The following TMEM268 variants were observed in gnomAD, a reference collection of about 807,000 sequenced individuals.
TMEM268 encodes the protein transmembrane protein C9orf91.
TMEM268 carries 24 observed loss-of-function variants against 39.1 expected under a neutral mutation model. That is an observed-to-expected ratio of 0.61 (90% CI 0.44 to 0.86). TMEM268 has a LOEUF of 0.86. TMEM268 is among the 40% of genes least tolerant of loss of function. The probability of loss-of-function intolerance (pLI) is 0.00; values close to 1 mark genes in which losing one functional copy is unlikely to be tolerated. For synonymous variants in TMEM268, 176 were observed against 173.5 expected (o/e 1.01, Z -0.12); for missense variants, 409 against 428.6 (o/e 0.95, Z 0.40).
chr9:114,616,012 CTTTTCTTTTTTT>C (rs1434076865), intron 1 of TMEM268, among the ~76,000 whole-genome samples: 1 of 137,750 alleles, frequency 7.3e-6, no homozygotes, highest in Non-Finnish European at 1.5e-5. Flanking sequence ...TTTCTTTTTT[CTTTTCTTTTTTT>C]TTTTTTTTTG....
At chr9:114,614,772 G>C (rs924699136) in intron 1 of TMEM268, among the ~76,000 whole-genome samples, 1 of 152,214 alleles carries the variant, frequency 6.6e-6, no homozygotes, top group East Asian at 1.9e-4. Context: ...TTGGTGAGGG[G>C]TGATTTTCAG....
chr9:114,612,784 C>G (rs1040996266), intron 1 of TMEM268, among the ~76,000 whole-genome samples: 6 of 152,194 alleles, frequency 3.9e-5, no homozygotes, highest in Non-Finnish European at 8.8e-5. Context: ...TGCCTTGTTG[C>G]AATTGTTTGT....
intron 1 of TMEM268, among the ~76,000 whole-genome samples, chr9:114,615,990 C>A (rs1196237155): frequency 6.6e-6 from 1 of 150,376 alleles, no homozygotes; most frequent in African/African-American, 2.4e-5. Flanking sequence ...CCGTGCTCGG[C>A]CTACTTTTCT....
intron 2 of TMEM268, among the ~76,000 whole-genome samples, chr9:114,622,940 A>C (rs1329801937): frequency 6.6e-6 from 1 of 151,980 alleles, no homozygotes; most frequent in Non-Finnish European, 1.5e-5. Flanking sequence ...AAATACAAAA[A>C]TTAGCCAGGC....
In TMEM268 at chr9:114,624,454, A is replaced by C. The variant is rs1475024091; in HGVS notation, c.211A>C (p.Ile71Leu). Reference protein sequence around the residue: ...AAEEQLQTWGIQVPADQYRSL... With the variant: ...AAEEQLQTWGLQVPADQYRSL... ...AGAAGAGCAACTGCAAACTTGGGGC[A>C]TCCAGGTGAGTGCTGATTTCCTTGA... Residue 71 changes from isoleucine to leucine, a missense_variant, in exon 3 of 9, where the codon ATC (isoleucine) becomes CTC (leucine). Coordinates refer to ENST00000288502, the MANE Select transcript of TMEM268 (RefSeq NM_153045.4). 1 of 1,572,360 alleles carries C rather than the reference A, an allele frequency of 6.4e-7. No homozygotes were observed. The highest frequency in any genetic ancestry group is 1.2e-5 in the South Asian group (1 of 85,870).
chr9:114,606,256 G>A (rs377626626), upstream of TMEM268, among the ~76,000 whole-genome samples: 6 of 152,086 alleles, frequency 3.9e-5, no homozygotes, highest in African/African-American at 1.4e-4. Flanking sequence ...TATCTGCCCC[G>A]GGGGGATTGC....
rs1028068618 is a variant in TMEM268, at chr9:114,644,121, G to C, written c.*808G>C. ...TGAACATTGTCCTGGAATGAAGTGT[G>C]ATCAGCCACTTGTGGAATTCTTTGA... On this transcript the variant is annotated 3_prime_UTR_variant, in exon 9 of 9. Coordinates refer to ENST00000288502, the MANE Select transcript of TMEM268 (RefSeq NM_153045.4). 3 of 152,362 alleles carry C rather than the reference G, an allele frequency of 2.0e-5. No individual in the cohort carries two copies. Among genetic ancestry groups the C allele is most frequent in the Non-Finnish European group, 2.9e-5 (2 of 68,048 alleles). 9.4% of individuals were successfully genotyped at this position (152,362 alleles called of 1,614,324 possible). A position where few individuals can be genotyped will look rare whatever the true frequency, so the allele number is the denominator to read the frequency against.
intron 2 of TMEM268, among the ~76,000 whole-genome samples, chr9:114,623,533 T>C (rs1273859658): frequency 6.6e-6 from 1 of 152,252 alleles, no homozygotes; most frequent in East Asian, 1.9e-4. Flanking sequence ...ACTGTTTTTC[T>C]TTCTGGAGGC....
intron 6 of TMEM268, among the ~76,000 whole-genome samples, chr9:114,635,306 G>A (rs1423680966): frequency 6.6e-6 from 1 of 151,004 alleles, no homozygotes; most frequent in Non-Finnish European, 1.5e-5. Context: ...TTGTGCCATT[G>A]CACTCCACAC....
In TMEM268 at chr9:114,624,392, A is replaced by G. The variant is rs1453889628; in HGVS notation, c.149A>G (p.Asn50Ser). Reference protein sequence around the residue: ...GQVLTVLRIDNTCAPISFDLG... With the variant: ...GQVLTVLRIDSTCAPISFDLG... ...GTCCTCACTGTTCTCCGGATTGACA[A>G]TACCTGTGCACCCATCTCCTTCGAC... The change falls in exon 3 of 9, where the codon AAT (asparagine) becomes AGT (serine). Residue 50 changes from asparagine to serine, a missense_variant. Physicochemically the swap from Asn to Ser is conservative, Grantham distance 46. Coordinates refer to ENST00000288502, the MANE Select transcript of TMEM268 (RefSeq NM_153045.4). The G allele has an allele frequency of 3.7e-6, 6 of 1,604,242 alleles. No individual in the cohort carries two copies. The highest frequency in any genetic ancestry group is 1.3e-5 in the African/African-American group (1 of 74,838).
chr9:114,606,974 C>CT, upstream of TMEM268, among the ~76,000 whole-genome samples: 1 of 152,268 alleles, frequency 6.6e-6, no homozygotes, highest in South Asian at 2.1e-4. Context: ...TGCTGCAACA[C>CT]TAAGGTTCTG....
At chr9:114,623,201 A>G (rs560398830) in intron 2 of TMEM268, among the ~76,000 whole-genome samples, 1 of 152,050 alleles carries the variant, frequency 6.6e-6, no homozygotes, top group East Asian at 1.9e-4. Context: ...CCCAGGCTGG[A>G]GTGTAATGGC....
At chr9:114,616,818 T>C (rs1818578329) in intron 1 of TMEM268, among the ~76,000 whole-genome samples, 1 of 152,198 alleles carries the variant, frequency 6.6e-6, no homozygotes, top group African/African-American at 2.4e-5. Flanking sequence ...CCCAACTGCC[T>C]GGCAGTGGGG....
At chr9:114,633,676 TG>T (rs1251319853) in intron 5 of TMEM268, 91 bp from the exon 6 acceptor site, 2 of 604,212 alleles carry the variant, frequency 3.3e-6, no homozygotes, top group African/African-American at 1.9e-5. Flanking sequence ...CCTTGGCATC[TG>T]GGGGTGGGAT....
upstream of TMEM268, among the ~76,000 whole-genome samples, chr9:114,609,991 A>G (rs999188849): frequency 1.3e-5 from 2 of 152,164 alleles, no homozygotes; most frequent in Non-Finnish European, 2.9e-5. Flanking sequence ...GGGTTAAGAA[A>G]ACAAAGACCC....
In TMEM268 at chr9:114,612,279, C is replaced by T. The variant is rs576738156; in HGVS notation, c.-79+715C>T. On this transcript the variant is annotated intron_variant, in intron 1 of 8. Transcript: ENST00000288502. ...TATGTTCCTTTGCAGATGCTCTCTA[C>T]GGGCTGAAAAAGAGGGGAGTTGACC... Among the ~76,000 whole-genome samples, 15 of 152,206 alleles carry T rather than the reference C, an allele frequency of 9.9e-5. 1 individual carries two copies. The South Asian group carries it at 3.1e-3, about 32-fold the overall frequency.
intron 4 of TMEM268, among the ~76,000 whole-genome samples, chr9:114,627,456 A>G (rs1196657594): frequency 6.6e-6 from 1 of 152,254 alleles, no homozygotes; most frequent in Non-Finnish European, 1.5e-5. Context: ...ATTGATACAT[A>G]TAAACACTTA....
chr9:114,610,338 C>T (rs1264984898), upstream of TMEM268, among the ~76,000 whole-genome samples: 1 of 152,204 alleles, frequency 6.6e-6, no homozygotes, highest in Admixed American at 6.5e-5. Flanking sequence ...CGCGCCCAGC[C>T]TGTAATGTTT....
At chr9:114,612,715 C>T (rs1167374634) in intron 1 of TMEM268, among the ~76,000 whole-genome samples, 6 of 152,208 alleles carry the variant, frequency 3.9e-5, no homozygotes, top group Non-Finnish European at 8.8e-5. Context: ...GAGCCTCCTT[C>T]CTCCAGGAAG....
Sources: allele counts gnomAD v4.1 joint callset (sites outside exome capture counted in the v4.1 genomes callset), GRCh38; gene constraint gnomAD v4.1.1; transcripts MANE v1.5; gene names NCBI Gene and HGNC (gene_info 2026-07-23, HGNC 2026-07-21).